The following DRC7 variants were observed in gnomAD, a reference collection of about 807,000 sequenced individuals.
The protein encoded by DRC7 is coiled-coil domain containing 135.
DRC7 carries 80 observed loss-of-function variants against 104.4 expected under a neutral mutation model. The observed-to-expected ratio is 0.77, with a 90% confidence interval of 0.64 to 0.92. The LOEUF is 0.92. Among genes scored for constraint, DRC7 ranks in the 40% least tolerant of loss-of-function variants. The pLI is 0.00. For synonymous variants in DRC7, 405 were observed against 447.3 expected (o/e 0.91, Z 1.19); for missense variants, 1,034 against 1,141.1 (o/e 0.91, Z 1.35).
intron 6 of DRC7, 72 bp downstream of exon 6, chr16:57,702,202 A>C: frequency 6.5e-7 from 1 of 1,528,844 alleles, no homozygotes; most frequent in Non-Finnish European, 8.9e-7. Context: ...CCATCCTTAG[A>C]GACGTCCATC....
chr16:57,729,346 A>ATGAG (rs551575635), intron 17 of DRC7, among the ~76,000 whole-genome samples: 1 of 76,334 alleles, frequency 1.3e-5, no homozygotes, highest in South Asian at 4.5e-4. Flanking sequence ...GGATGGGTGG[A>ATGAG]TGAGTGAGTG....
In DRC7 at chr16:57,727,289, C is replaced by T. The variant is rs754288464; in HGVS notation, c.2086-10C>T. The T allele has an allele frequency of 3.1e-6, 5 of 1,609,570 alleles. No individual in the cohort carries two copies. Among genetic ancestry groups the T allele is most frequent in the East Asian group, 2.2e-5 (1 of 44,866 alleles). ...GTCTCCATCACGCCCTCCAACACTT[C>T]TCATTTCAGGTGCTGGAGATTCTGA... On this transcript the variant is annotated splice_polypyrimidine_tract_variant and intron_variant, in intron 15 of 18. Coordinates refer to ENST00000360716, the MANE Select transcript of DRC7 (RefSeq NM_001289162.2).
rs1020647798 is a variant in DRC7, at chr16:57,721,833, G to A, written c.1279+94G>A. The stretch of plus-strand genomic sequence containing the variant: ...ACAGCGAGGCAGGGGGACACAGCAG[G>A]GAATGCCATGCCCCACATTTCCACC... On this transcript the variant is annotated intron_variant, in intron 10 of 18. Transcript: ENST00000360716. 9.3e-6 allele frequency: 8 copies of A among 856,502 alleles called. 1 individual carries two copies. Among genetic ancestry groups the A allele is most frequent in the South Asian group, 6.3e-5 (4 of 63,064 alleles). 53.1% of individuals were successfully genotyped at this position (856,502 alleles called of 1,614,324 possible). A position where few individuals can be genotyped will look rare whatever the true frequency, so the allele number is the denominator to read the frequency against.
chr16:57,708,765 G>C (rs62039898), intron 8 of DRC7, among the ~76,000 whole-genome samples: 9,186 of 152,146 alleles, frequency 0.06, 569 homozygotes, highest in East Asian at 0.23. Context: ...GCCAATACTG[G>C]ATACTTTCTT....
At chr16:57,726,787 G>C in intron 14 of DRC7, 45 bp from the exon 15 acceptor site, 1 of 1,318,398 alleles carries the variant, frequency 7.6e-7, no homozygotes, top group Non-Finnish European at 1.1e-6. Flanking sequence ...CCTATGCCCC[G>C]ATCATGGCAG....
intron 6 of DRC7, among the ~76,000 whole-genome samples, chr16:57,703,881 C>T (rs906454514): frequency 2.0e-5 from 3 of 148,028 alleles, no homozygotes; most frequent in African/African-American, 2.5e-5. Context: ...CCAGGAGAAT[C>T]GCTTGAACCT....
intron 9 of DRC7, 77 bp downstream of exon 9, chr16:57,718,552 T>C: frequency 6.4e-7 from 1 of 1,557,018 alleles, no homozygotes; most frequent in Non-Finnish European, 8.8e-7. Context: ...CCCAGCAGCA[T>C]ATGTGTGGCA....
At chr16:57,729,790 G>A (rs62639739) in intron 17 of DRC7, among the ~76,000 whole-genome samples, 42 of 120,284 alleles carry the variant, frequency 3.5e-4, no homozygotes, top group East Asian at 9.0e-4. Context: ...GGGTGGATGG[G>A]TGGATGGATG....
In DRC7 at chr16:57,714,968, C is replaced by G. The variant is rs564923016; in HGVS notation, c.1078-3379C>G. Reference sequence around the variant, plus strand: ...AGAATGCTAATTTGAAGATGTAGGGCAGGACAGTGACATTTCTATAGTCCC... The same window carrying G: ...AGAATGCTAATTTGAAGATGTAGGGGAGGACAGTGACATTTCTATAGTCCC... On this transcript the variant is annotated intron_variant, in intron 8 of 18. Transcript: ENST00000360716. 9.2e-6 allele frequency: 3 copies of G among 327,798 alleles called. No individual in the cohort carries two copies. The East Asian group carries it at 2.8e-4, about 31-fold the overall frequency. The allele number at this position is 327,798 out of a possible 1,614,324, so 20.3% of individuals were successfully genotyped here.
chr16:57,704,879 A>G lies in DRC7; in HGVS notation c.703A>G (p.Ile235Val). 6.2e-7 allele frequency: 1 copy of G among 1,613,458 alleles called. No homozygotes were observed. The highest frequency in any genetic ancestry group is 8.5e-7 in the Non-Finnish European group (1 of 1,179,722). ...CPLTVKPKET[I>V]KKEEKVLPKK... is the part of the protein sequence containing the mutation. ...TTCCTCTTCTTTTGGGTGACAGACC[A>G]TCAAGAAGGAGGAAAAGGTGCTGCC... The change falls in exon 7 of 19, where the codon ATC becomes GTC. Residue 235 changes from isoleucine (I) to valine (V), a missense_variant. Physicochemically the swap from Ile to Val is conservative, Grantham distance 29 (BLOSUM62 3). Transcript: ENST00000360716.
chr16:57,710,588 A>G (rs1193038422), intron 8 of DRC7, among the ~76,000 whole-genome samples: 1 of 152,228 alleles, frequency 6.6e-6, no homozygotes, highest in Non-Finnish European at 1.5e-5. Flanking sequence ...GAGAGCATTT[A>G]GTCTGATACC....
At chr16:57,711,150 G>A (rs1489755177) in intron 8 of DRC7, among the ~76,000 whole-genome samples, 2 of 152,192 alleles carry the variant, frequency 1.3e-5, no homozygotes, top group Non-Finnish European at 2.9e-5. Context: ...AAATTCAATA[G>A]GAAGACTCAA....
chr16:57,726,581 T>C lies in DRC7; in HGVS notation c.1975-251T>C, dbSNP rs920440745. ...CTCTGTGGGAGGGGAAGAGTCTCAC[T>C]ACCTCTGAGGGGCTAGCTTTCCTAG... On this transcript the variant is annotated intron_variant, in intron 14 of 18. Coordinates refer to ENST00000360716, the MANE Select transcript of DRC7 (RefSeq NM_001289162.2). The C allele has an allele frequency of 6.9e-5, 38 of 554,544 alleles. No homozygotes were observed. The African/African-American group carries it at 7.0e-4, about 10-fold the overall frequency. 34.4% of individuals were successfully genotyped at this position (554,544 alleles called of 1,614,324 possible).
intron 17 of DRC7, among the ~76,000 whole-genome samples, chr16:57,730,370 T>C (rs1235105492): frequency 6.6e-6 from 1 of 150,690 alleles, no homozygotes; most frequent in African/African-American, 2.4e-5. Context: ...AGTGGATAGA[T>C]GGACGGTTGG....
intron 8 of DRC7, among the ~76,000 whole-genome samples, chr16:57,711,139 C>T (rs1304266214): frequency 6.6e-6 from 1 of 152,192 alleles, no homozygotes; most frequent in Non-Finnish European, 1.5e-5. Flanking sequence ...TTTTAAGGTA[C>T]AAATTCAATA....
chr16:57,720,864 G>T (rs1197729445), intron 9 of DRC7, among the ~76,000 whole-genome samples: 1 of 152,118 alleles, frequency 6.6e-6, no homozygotes, highest in African/African-American at 2.4e-5. Context: ...TATCTAGATC[G>T]GGCCTTATTT....
rs1953384971 is a variant in DRC7, at chr16:57,724,615, T to G, written c.1538T>G (p.Val513Gly). 1 of 1,605,582 alleles carries G rather than the reference T, an allele frequency of 6.2e-7. No individual in the cohort carries two copies. The highest frequency in any genetic ancestry group is 8.5e-7 in the Non-Finnish European group (1 of 1,173,564). Residue 513 changes from valine to glycine, a missense_variant and splice_region_variant, in exon 13 of 19, where the codon GTG becomes GGG. Physicochemically the swap from Val to Gly is moderately radical, Grantham distance 109. Transcript: ENST00000360716. ...CTCCCAACTCCCGCTCCCCACCCAG[T>G]GCACTCGTACAAGTCCATGCAACCT... ...FKPGHPQALR[V>G]HSYKSMQPEM...
intron 8 of DRC7, among the ~76,000 whole-genome samples, chr16:57,708,142 G>A (rs918347901): frequency 3.9e-5 from 6 of 152,038 alleles, no homozygotes; most frequent in African/African-American, 1.2e-4. Flanking sequence ...ACACACACGC[G>A]CCTACAAGAG....
chr16:57,731,080 C>T lies in DRC7; in HGVS notation c.2531+10C>T. ...AGCAGCGCCTCAATCGGTGAGCAGGCAGGGCAGGTGGAGAGAACCCACTGG... is the reference window on the plus strand; with the variant it reads ...AGCAGCGCCTCAATCGGTGAGCAGGTAGGGCAGGTGGAGAGAACCCACTGG... On this transcript the variant is annotated intron_variant, in intron 18 of 18. Transcript: ENST00000360716. 1 of 1,613,726 alleles carries T rather than the reference C, an allele frequency of 6.2e-7. No individual in the cohort carries two copies. Among genetic ancestry groups the T allele is most frequent in the Non-Finnish European group, 8.5e-7 (1 of 1,179,922 alleles).
Sources: allele counts gnomAD v4.1 joint callset (sites outside exome capture counted in the v4.1 genomes callset), GRCh38; gene constraint gnomAD v4.1.1; transcripts MANE v1.5; gene names NCBI Gene and HGNC (gene_info 2026-07-23, HGNC 2026-07-21).